The following ADGRG6 variants were observed in gnomAD, a reference collection of about 807,000 sequenced individuals.
ADGRG6 encodes the protein G-protein coupled receptor 126.
Under a neutral mutation model 142.4 loss-of-function variants are expected in ADGRG6, and 84 were observed. That is an observed-to-expected ratio of 0.59 (90% confidence interval 0.49 to 0.71). ADGRG6 has a LOEUF of 0.71. ADGRG6 is among the 30% of genes least tolerant of loss of function. The pLI is 0.00. For missense variants in ADGRG6, 1,367 were observed against 1,466.6 expected (o/e 0.93, Z 1.11); for synonymous variants, 521 against 520.5 (o/e 1.00, Z -0.01).
chr6:142,367,709 A>G lies in ADGRG6; in HGVS notation c.244A>G (p.Thr82Ala). ...RAPTGYIIQITFNDFDIEEAP... is the reference protein window; with the variant it reads ...RAPTGYIIQIAFNDFDIEEAP... ...CCCCACCGGTTATATCATTCAGATA[A>G]CATTTAACGACTTTGACATTGAAGA... The change falls in exon 3 of 25, where the codon ACA becomes GCA. Residue 82 changes from threonine to alanine, a missense_variant. Thr to Ala is a moderately conservative substitution (Grantham distance 58). Around this residue, in one of 3 missense-constraint regions of ADGRG6, gnomAD observed 737 missense variants for 746.5 expected, o/e 0.99. Coordinates refer to ENST00000367609, the MANE Select transcript of ADGRG6 (RefSeq NM_198569.3). The G allele has an allele frequency of 1.2e-6, 2 of 1,613,924 alleles. No individual in the cohort carries two copies. The highest frequency in any genetic ancestry group is 1.7e-6 in the Non-Finnish European group (2 of 1,179,842).
At position 142,367,562 on chromosome 6, in the gene ADGRG6, CCAG is replaced by C; in HGVS notation, c.104-3_104-1del. ...TTCTCTCTGTCTCTCTTTTGTCTGGCCAGCAGTGTGGGGATGTGCCAACTGCCG... is the reference window on the plus strand; with the variant it reads ...TTCTCTCTGTCTCTCTTTTGTCTGGCCAGTGTGGGGATGTGCCAACTGCCG... On this transcript the variant is annotated splice_region_variant and splice_polypyrimidine_tract_variant and intron_variant, in intron 2 of 24. Coordinates refer to ENST00000367609, the MANE Select transcript of ADGRG6 (RefSeq NM_198569.3). 122 of 1,609,234 alleles carry C rather than the reference CCAG, an allele frequency of 7.6e-5. No individual in the cohort carries two copies. The highest frequency in any genetic ancestry group is 1.0e-4 in the Non-Finnish European group (119 of 1,176,546).
At chr6:142,335,423 A>G (rs992748179) in intron 2 of ADGRG6, among the ~76,000 whole-genome samples, 2 of 152,182 alleles carry the variant, frequency 1.3e-5, no homozygotes, top group African/African-American at 4.8e-5. Context: ...AAAATGGAGA[A>G]CAGGGGAGCA....
intron 2 of ADGRG6, among the ~76,000 whole-genome samples, chr6:142,315,462 G>A (rs562913654): frequency 1.3e-5 from 2 of 152,106 alleles, no homozygotes; most frequent in Admixed American, 6.6e-5. Flanking sequence ...AGTATGGGGA[G>A]GAAGGTTTTG....
intron 22 of ADGRG6, among the ~76,000 whole-genome samples, chr6:142,434,039 C>T (rs750720197): frequency 6.7e-6 from 1 of 149,600 alleles, no homozygotes; most frequent in Non-Finnish European, 1.5e-5. Flanking sequence ...GGCAACAGAG[C>T]AAGAATCTGT....
Position 142,415,877 on chromosome 6 carries a change from A to C in ADGRG6, c.2751A>C (p.Leu917=), listed in dbSNP as rs1301258828. ...TGTTCCTGAATCTCCTCTTCCTCCTAGATGGCTGGATCACCTCCTTCAATG... is the reference window on the plus strand; with the variant it reads ...TGTTCCTGAATCTCCTCTTCCTCCTCGATGGCTGGATCACCTCCTTCAATG... ...ALLFLNLLFL[L]DGWITSFNVD... is the part of the protein sequence containing the mutation. The change falls in exon 20 of 25, where the codon CTA becomes CTC. Residue 917 remains leucine (L), a synonymous_variant. Transcript: ENST00000367609. 6.2e-7 allele frequency: 1 copy of C among 1,612,926 alleles called. No individual in the cohort carries two copies. The highest frequency in any genetic ancestry group is 2.2e-5 in the East Asian group (1 of 44,880).
chr6:142,434,874 G>A (rs1777401252), intron 22 of ADGRG6, among the ~76,000 whole-genome samples: 1 of 151,998 alleles, frequency 6.6e-6, no homozygotes, highest in South Asian at 2.1e-4. Context: ...TAGAAATTAA[G>A]CTCCTTTTCT....
intron 2 of ADGRG6, among the ~76,000 whole-genome samples, chr6:142,337,613 T>C (rs1203171781): frequency 6.6e-6 from 1 of 152,034 alleles, no homozygotes; most frequent in African/African-American, 2.4e-5. Flanking sequence ...CTCCCCTCTT[T>C]TGTGGGGCAG....
Position 142,305,429 on chromosome 6 carries a change from T to TATACAC in ADGRG6, c.2+3099_2+3100insTACACA, listed in dbSNP as rs1306810008. On this transcript the variant is annotated intron_variant, in intron 1 of 24. Coordinates refer to ENST00000367609, the MANE Select transcript of ADGRG6 (RefSeq NM_198569.3). ...TGCCCCCCCCCACGAGCCCCTCCTG[T>TATACAC]ACACACACACACACACACACACACA... 5.1e-4 allele frequency among the ~76,000 whole-genome samples: 62 copies of TATACAC among 120,858 alleles called. 1 individual carries two copies. Among genetic ancestry groups the TATACAC allele is most frequent in the Middle Eastern group, 4.1e-3 (1 of 244 alleles). 79.3% of individuals were successfully genotyped at this position (120,858 alleles called of 152,430 possible).
intron 2 of ADGRG6, among the ~76,000 whole-genome samples, chr6:142,344,869 G>A (rs1266277163): frequency 6.6e-6 from 1 of 151,890 alleles, no homozygotes; most frequent in African/African-American, 2.4e-5. Context: ...TAAAGTAGAT[G>A]ACTACAGGGA....
intron 9 of ADGRG6, among the ~76,000 whole-genome samples, chr6:142,396,819 A>G (rs1043604675): frequency 6.6e-6 from 1 of 152,160 alleles, no homozygotes; most frequent in Non-Finnish European, 1.5e-5. Flanking sequence ...GTGTTAAATT[A>G]ATAGTTTTGA....
chr6:142,406,190 G>GTT (rs3079341), intron 15 of ADGRG6, among the ~76,000 whole-genome samples: 144,302 of 148,240 alleles, frequency 0.97, 70,300 homozygotes, highest in Middle Eastern at 0.99. Flanking sequence ...AAAGGAAAGG[G>GTT]TTTTTTTTTT....
chr6:142,327,677 C>G (rs1386947265), intron 2 of ADGRG6, among the ~76,000 whole-genome samples: 4 of 152,116 alleles, frequency 2.6e-5, no homozygotes, highest in Non-Finnish European at 4.4e-5. Flanking sequence ...TCAGCTATTT[C>G]TATAAAGGGT....
chr6:142,341,628 A>T (rs1014075706), intron 2 of ADGRG6, among the ~76,000 whole-genome samples: 6 of 131,756 alleles, frequency 4.6e-5, no homozygotes, highest in Non-Finnish European at 9.4e-5. Context: ...TAGTATATAT[A>T]ATATATAATA....
chr6:142,344,044 C>A (rs1034018970), intron 2 of ADGRG6, among the ~76,000 whole-genome samples: 7 of 151,860 alleles, frequency 4.6e-5, no homozygotes, highest in African/African-American at 1.7e-4. Context: ...ACTGGATTTT[C>A]TTTTGGTTGG....
At chr6:142,374,040 A>G (rs1213700708) in intron 4 of ADGRG6, among the ~76,000 whole-genome samples, 3 of 152,100 alleles carry the variant, frequency 2.0e-5, no homozygotes, top group Non-Finnish European at 2.9e-5. Flanking sequence ...GAACACAGCC[A>G]TGCCCATTAG....
At chr6:142,395,670 A>G (rs982561281) in intron 9 of ADGRG6, among the ~76,000 whole-genome samples, 4 of 152,194 alleles carry the variant, frequency 2.6e-5, no homozygotes, top group Admixed American at 1.3e-4. Context: ...CCACATATTT[A>G]GGGGCTTTTT....
chr6:142,351,936 T>A (rs1780199129), intron 2 of ADGRG6, among the ~76,000 whole-genome samples: 1 of 152,184 alleles, frequency 6.6e-6, no homozygotes. Context: ...CCAGTCATAA[T>A]GGCCATTATT....
At chr6:142,325,415 A>G (rs755417631) in intron 2 of ADGRG6, among the ~76,000 whole-genome samples, 1 of 152,160 alleles carries the variant, frequency 6.6e-6, no homozygotes, top group Non-Finnish European at 1.5e-5. Flanking sequence ...CCACGGTATT[A>G]ACTGGATTTA....
chr6:142,319,133 T>C (rs1308394911), intron 2 of ADGRG6, among the ~76,000 whole-genome samples: 2 of 152,134 alleles, frequency 1.3e-5, no homozygotes, highest in Middle Eastern at 3.2e-3. Context: ...CAGCCTTAGT[T>C]TCCTCATTGG....
Sources: gnomAD v4.1 joint callset for allele counts (sites outside exome capture counted in the v4.1 genomes callset) on GRCh38, gnomAD v4.1.1 for gene constraint, gnomAD v4.1.1 regional missense constraint, MANE v1.5 for transcripts, NCBI Gene and HGNC (gene_info 2026-07-23, HGNC 2026-07-21) for gene names.